The following RAB20 variants were observed in gnomAD, a reference collection of about 807,000 sequenced individuals.
RAB20 encodes the protein RAB20, member RAS oncogene family, also known as ras-related protein Rab-20.
In RAB20, 2 loss-of-function variants were observed where a neutral mutation model predicts 3.7. The ratio of observed to expected loss-of-function variants is 0.54; its 90% CI spans 0.22 to 1.69. The LOEUF (loss-of-function observed/expected upper bound fraction) is 1.69. Ranked by LOEUF, RAB20 falls within the 40% of genes most tolerant of loss-of-function variation. RAB20 has a pLI of 0.19. For synonymous variants in RAB20, 126 were observed against 130.8 expected (o/e 0.96, Z 0.25); for missense variants, 276 against 311.9 (o/e 0.88, Z 0.87).
Position 110,561,703 on chromosome 13 carries a change from G to A in RAB20, c.-184C>T, listed in dbSNP as rs1885140392. 10 of 1,127,348 alleles carry A rather than the reference G, an allele frequency of 8.9e-6. No homozygotes were observed. The highest frequency in any genetic ancestry group is 3.2e-4 in the Middle Eastern group (1 of 3,104). 69.8% of individuals were successfully genotyped at this position (1,127,348 alleles called of 1,614,324 possible). On this transcript the variant is annotated 5_prime_UTR_variant, in exon 1 of 2. Coordinates refer to ENST00000267328, the MANE Select transcript of RAB20 (RefSeq NM_017817.3). ...AGAGGAAGCGCGTGTGCGCGCCCGG[G>A]AAGGAGCTGGGTGCAGAGCACGGAG... is the stretch of plus-strand genomic sequence containing the variant.
chr13:110,540,797 TA>T (rs11318888), intron 1 of RAB20, among the ~76,000 whole-genome samples: 98,091 of 151,046 alleles, frequency 0.65, 32,199 homozygotes, highest in East Asian at 0.78. Context: ...TATACCACAA[TA>T]AAAAACCTCC....
At chr13:110,524,958 C>T (rs1467322003) in intron 1 of RAB20, among the ~76,000 whole-genome samples, 1 of 152,228 alleles carries the variant, frequency 6.6e-6, no homozygotes, top group Non-Finnish European at 1.5e-5. Context: ...GCAGGCAAGC[C>T]GGGAACCTGC....
Position 110,524,094 on chromosome 13 carries a change from C to T in RAB20, c.276G>A (p.Glu92=). 6.2e-7 allele frequency: 1 copy of T among 1,613,582 alleles called. No homozygotes were observed. Among genetic ancestry groups the T allele is most frequent in the Non-Finnish European group, 8.5e-7 (1 of 1,180,028 alleles). The part of the protein sequence containing the change: ...VNHRQSLVEL[E]DRFLGLTDTA... ...TGTCTGTCAGGCCCAGGAACCGGTC[C>T]TCCAGCTCCACCAGGCTCTGCCGGT... The change falls in exon 2 of 2, where the codon GAG becomes GAA. Residue 92 remains glutamate, a synonymous_variant. Coordinates refer to ENST00000267328, the MANE Select transcript of RAB20 (RefSeq NM_017817.3).
chr13:110,554,269 G>A (rs1212467332), intron 1 of RAB20, among the ~76,000 whole-genome samples: 1 of 152,184 alleles, frequency 6.6e-6, no homozygotes, highest in Non-Finnish European at 1.5e-5. Context: ...CAGCCATGGG[G>A]TCCCTGCCAA....
At chr13:110,558,880 T>C (rs1164779441) in intron 1 of RAB20, among the ~76,000 whole-genome samples, 1 of 151,618 alleles carries the variant, frequency 6.6e-6, no homozygotes, top group African/African-American at 2.4e-5. Context: ...GTATGTTTAG[T>C]AGAGATGGGG....
chr13:110,523,690 C>G lies in RAB20; in HGVS notation c.680G>C (p.Arg227Thr). 6.2e-7 allele frequency: 1 copy of G among 1,614,056 alleles called. No homozygotes were observed. The highest frequency in any genetic ancestry group is 8.5e-7 in the Non-Finnish European group (1 of 1,179,942). Residue 227 changes from arginine to threonine, a missense_variant, in exon 2 of 2, where the codon AGG (arginine) becomes ACG (threonine). Arg to Thr is a moderately conservative substitution (Grantham distance 71, BLOSUM62 -1). Transcript: ENST00000267328. The part of the protein sequence containing the change: ...VDISSHKPPK[R>T]TRSGCCA ...TCAGGCACAACACCCAGATCTGGTC[C>G]TCTTGGGTGGCTTATGACTGGATAT... is the stretch of plus-strand genomic sequence containing the variant.
At position 110,528,857 on chromosome 13, in the gene RAB20, T is replaced by C. The variant is rs983295304; in HGVS notation, c.173-4660A>G. Among the ~76,000 whole-genome samples, 7 of 152,370 alleles carry C rather than the reference T, an allele frequency of 4.6e-5. No individual in the cohort carries two copies. The South Asian group carries it at 1.5e-3, about 32-fold the overall frequency. On this transcript the variant is annotated intron_variant, in intron 1 of 1. Transcript: ENST00000267328. ...GCCAGAAAAAAGTAAGAATTGTTGC[T>C]TGAACCCTATAATCTGTTATCTACC...
intron 1 of RAB20, among the ~76,000 whole-genome samples, chr13:110,558,637 C>A (rs1179400779): frequency 6.6e-6 from 1 of 151,712 alleles, no homozygotes. Context: ...CCGCCTCACC[C>A]TCCTAAAGTG....
chr13:110,527,726 T>C (rs1196515637), intron 1 of RAB20, among the ~76,000 whole-genome samples: 1 of 152,024 alleles, frequency 6.6e-6, no homozygotes, highest in African/African-American at 2.4e-5. Flanking sequence ...AATCAGACAG[T>C]GTCCCCGGAA....
intron 1 of RAB20, among the ~76,000 whole-genome samples, chr13:110,546,719 GTTTTTT>G (rs1884856699): frequency 1.6e-5 from 2 of 122,742 alleles, no homozygotes; most frequent in Non-Finnish European, 3.7e-5. Flanking sequence ...TGTTTTTTGG[GTTTTTT>G]GTTTGTTTGT....
chr13:110,546,306 A>T (rs754394778), intron 1 of RAB20, among the ~76,000 whole-genome samples: 16 of 152,242 alleles, frequency 1.1e-4, no homozygotes, highest in Non-Finnish European at 2.1e-4. Context: ...ACTGAGACTC[A>T]GAGACAGGAT....
In RAB20 at chr13:110,523,905, C is replaced by T. The variant is rs1298879749; in HGVS notation, c.465G>A (p.Val155=). The T allele has an allele frequency of 1.2e-6, 2 of 1,614,204 alleles. No homozygotes were observed. Among genetic ancestry groups the T allele is most frequent in the Admixed American group, 1.7e-5 (1 of 60,034 alleles). ...APKQVQLEDA[V]ALYKKILKYK... is the part of the protein sequence containing the mutation. ...ACTTGAGGATCTTTTTATAAAGGGC[C>T]ACCGCATCCTCCAGCTGCACCTGCT... Residue 155 remains valine (V), a synonymous_variant, in exon 2 of 2, where the codon GTG becomes GTA. Transcript: ENST00000267328.
Position 110,555,766 on chromosome 13 carries a change from G to A in RAB20, c.172+5582C>T, listed in dbSNP as rs920647186. On this transcript the variant is annotated intron_variant, in intron 1 of 1. Coordinates refer to ENST00000267328, the MANE Select transcript of RAB20 (RefSeq NM_017817.3). This position sits in a 1 kb window ranked among gnomAD's most constrained non-coding sequence, Gnocchi z 4.0. ...ATGGCCAGGTCTCCCAGGTTGCTGAGCCCTTGGGTGGCAGATGGCGACTTT... is the reference window on the plus strand; with the variant it reads ...ATGGCCAGGTCTCCCAGGTTGCTGAACCCTTGGGTGGCAGATGGCGACTTT... 1.4e-4 allele frequency among the ~76,000 whole-genome samples: 22 copies of A among 152,210 alleles called. No homozygotes were observed. The highest frequency in any genetic ancestry group is 5.1e-4 in the African/African-American group (21 of 41,460).
intron 1 of RAB20, among the ~76,000 whole-genome samples, chr13:110,550,857 A>T (rs569530374): frequency 2.0e-5 from 3 of 152,310 alleles, no homozygotes; most frequent in African/African-American, 7.2e-5. Flanking sequence ...ATAGATTTGC[A>T]ATGATATTGA....
At chr13:110,560,901 G>T (rs537267555) in intron 1 of RAB20, among the ~76,000 whole-genome samples, 1 of 152,112 alleles carries the variant, frequency 6.6e-6, no homozygotes, top group African/African-American at 2.4e-5. Flanking sequence ...AACCCAACAG[G>T]GGGGAACACT....
At chr13:110,527,761 A>G (rs2139573866) in intron 1 of RAB20, among the ~76,000 whole-genome samples, 1 of 152,302 alleles carries the variant, frequency 6.6e-6, no homozygotes. Context: ...CCCACTACAG[A>G]AGATGATGAT....
At chr13:110,524,218 G>A (rs1884389768) in intron 1 of RAB20, 21 bp from the exon 2 acceptor site, 1 of 1,560,784 alleles carries the variant, frequency 6.4e-7, no homozygotes, top group African/African-American at 1.4e-5. Flanking sequence ...GAGAGGGACA[G>A]AAAGAGTGGT....
intron 1 of RAB20, among the ~76,000 whole-genome samples, chr13:110,558,777 C>T (rs1474444356): frequency 7.0e-6 from 1 of 143,800 alleles, no homozygotes; most frequent in African/African-American, 2.6e-5. Flanking sequence ...TGGCTCACTG[C>T]AACCTCTGCC....
intron 1 of RAB20, among the ~76,000 whole-genome samples, chr13:110,560,510 T>G (rs889114053): frequency 2.6e-5 from 4 of 152,198 alleles, no homozygotes; most frequent in African/African-American, 9.7e-5. Context: ...CTTTCAGAGT[T>G]TCAGGCTTCT....
Sources: gnomAD v4.1 joint callset for allele counts (sites outside exome capture counted in the v4.1 genomes callset) on GRCh38, gnomAD v4.1.1 for gene constraint, Gnocchi (gnomAD v3.1) non-coding constraint, MANE v1.5 for transcripts, NCBI Gene and HGNC (gene_info 2026-07-23, HGNC 2026-07-21) for gene names.